LRP1B: variants seen among roughly 807,000 people sequenced by gnomAD.
LRP1B encodes the protein low-density lipoprotein receptor-related protein 1B.
A neutral mutation model predicts 556.6 loss-of-function variants in LRP1B; 217 were observed. The ratio of observed to expected loss-of-function variants is 0.39; its 90% CI spans 0.35 to 0.44. The LOEUF (loss-of-function observed/expected upper bound fraction) is 0.44. LRP1B is among the 20% of genes least tolerant of loss of function. LRP1B has a pLI of 1.00. For missense variants in LRP1B, 5,053 were observed against 5,620.8 expected (o/e 0.90, Z 3.23); for synonymous variants, 2,047 against 1,865.8 (o/e 1.10, Z -2.50).
At position 140,601,432 on chromosome 2, in the gene LRP1B, A is replaced by T. The variant is rs2105197895; in HGVS notation, c.6989+18T>A. On this transcript the variant is annotated intron_variant, in intron 42 of 90. Transcript: ENST00000389484. Reference sequence around the variant, plus strand: ...ACTTATAACTATAATGAAGAAATAAAACTACACTGTTTCTTACTTTTGACA... The same window carrying T: ...ACTTATAACTATAATGAAGAAATAATACTACACTGTTTCTTACTTTTGACA... 6.4e-7 allele frequency: 1 copy of T among 1,557,508 alleles called. No homozygotes were observed. Among genetic ancestry groups the T allele is most frequent in the South Asian group, 1.2e-5 (1 of 81,938 alleles).
At chr2:140,817,214 A>G (rs1201608954) in intron 31 of LRP1B, among the ~76,000 whole-genome samples, 1 of 152,126 alleles carries the variant, frequency 6.6e-6, no homozygotes, top group East Asian at 1.9e-4. Flanking sequence ...GAATGTATCA[A>G]TTGTAATACA....
chr2:141,450,457 A>G (rs895090986), intron 3 of LRP1B, among the ~76,000 whole-genome samples: 7 of 152,172 alleles, frequency 4.6e-5, no homozygotes, highest in African/African-American at 7.2e-5. Context: ...TGATGTGTAT[A>G]AAGTACTTAG....
intron 6 of LRP1B, among the ~76,000 whole-genome samples, chr2:141,219,699 C>T (rs986219113): frequency 6.6e-6 from 1 of 152,082 alleles, no homozygotes. Flanking sequence ...TAGCTTGGTG[C>T]CCCTCTGAGA....
chr2:140,769,833 T>A (rs1689246463), intron 34 of LRP1B, among the ~76,000 whole-genome samples: 1 of 29,566 alleles, frequency 3.4e-5, no homozygotes, highest in East Asian at 0.028. Flanking sequence ...CATTTAGATT[T>A]CTTAAGAAAT....
intron 1 of LRP1B, among the ~76,000 whole-genome samples, chr2:141,925,962 A>C (rs1700324986): frequency 6.6e-6 from 1 of 152,168 alleles, no homozygotes; most frequent in Admixed American, 6.5e-5. Context: ...GATTTATGAA[A>C]AAAACACAGG....
intron 3 of LRP1B, among the ~76,000 whole-genome samples, chr2:141,351,726 A>AT (rs1559023513): frequency 6.6e-6 from 1 of 152,030 alleles, no homozygotes; most frequent in Non-Finnish European, 1.5e-5. Context: ...AATAACATGA[A>AT]ATTACATGCT....
At chr2:141,824,438 C>T (rs1696856605) in intron 1 of LRP1B, among the ~76,000 whole-genome samples, 1 of 152,168 alleles carries the variant, frequency 6.6e-6, no homozygotes, top group Admixed American at 6.5e-5. Context: ...CGGCTCACTG[C>T]AAGCTCCGCC....
intron 1 of LRP1B, among the ~76,000 whole-genome samples, chr2:141,815,849 GGTCCGTAGCTTCATGCTTGAA>G (rs1156972714): frequency 6.6e-6 from 1 of 150,886 alleles, no homozygotes; most frequent in African/African-American, 2.4e-5. Context: ...TCACTATTAA[GGTCCGTAGCTTCATGCTTGAA>G]GTCAGCGAGA....
intron 2 of LRP1B, among the ~76,000 whole-genome samples, chr2:141,517,623 T>A (rs1331712717): frequency 6.6e-6 from 1 of 152,022 alleles, no homozygotes; most frequent in Non-Finnish European, 1.5e-5. Context: ...ATGCAAAAAA[T>A]AAAAAAATAA....
intron 3 of LRP1B, among the ~76,000 whole-genome samples, chr2:141,316,746 G>A (rs1286073309): frequency 6.6e-6 from 1 of 152,210 alleles, no homozygotes; most frequent in Non-Finnish European, 1.5e-5. Flanking sequence ...CTCGCATTAA[G>A]TTGACCATCT....
At chr2:141,515,750 C>A (rs1009487852) in intron 2 of LRP1B, among the ~76,000 whole-genome samples, 99 of 152,162 alleles carry the variant, frequency 6.5e-4, no homozygotes, top group African/African-American at 2.4e-3. Context: ...ATATGATACA[C>A]AACTAGTTTG....
intron 3 of LRP1B, among the ~76,000 whole-genome samples, chr2:141,276,968 T>C (rs1408889414): frequency 6.6e-6 from 1 of 152,202 alleles, no homozygotes; most frequent in Non-Finnish European, 1.5e-5. Flanking sequence ...CATCTCATTC[T>C]ATTTTTATGG....
chr2:140,445,699 T>G (rs1269420694), intron 63 of LRP1B, among the ~76,000 whole-genome samples: 1 of 152,104 alleles, frequency 6.6e-6, no homozygotes, highest in Non-Finnish European at 1.5e-5. Flanking sequence ...AGTTACTAAT[T>G]TAATCTCACC....
At chr2:141,636,511 G>A (rs1402310750) in intron 2 of LRP1B, among the ~76,000 whole-genome samples, 1 of 152,076 alleles carries the variant, frequency 6.6e-6, no homozygotes, top group African/African-American at 2.4e-5. Flanking sequence ...AGTCTACTTG[G>A]AAGATAATGT....
intron 1 of LRP1B, among the ~76,000 whole-genome samples, chr2:142,118,301 CATCTCTAA>C (rs1707343563): frequency 6.6e-6 from 1 of 152,106 alleles, no homozygotes; most frequent in Non-Finnish European, 1.5e-5. Context: ...CTTTGGCATT[CATCTCTAA>C]ATCTTGGTAA....
chr2:140,945,029 C>A (rs192958398), intron 20 of LRP1B, among the ~76,000 whole-genome samples: 59 of 152,094 alleles, frequency 3.9e-4, no homozygotes, highest in Non-Finnish European at 6.3e-4. Flanking sequence ...AGGCAACTAG[C>A]CCAGATAAGT....
intron 41 of LRP1B, among the ~76,000 whole-genome samples, chr2:140,678,529 G>T (rs1431259332): frequency 6.6e-6 from 1 of 152,092 alleles, no homozygotes; most frequent in Non-Finnish European, 1.5e-5. Flanking sequence ...TCCCCTTTAA[G>T]TAAGCAAATG....
intron 35 of LRP1B, among the ~76,000 whole-genome samples, chr2:140,753,548 T>A (rs1256104162): frequency 6.6e-6 from 1 of 152,146 alleles, no homozygotes; most frequent in East Asian, 1.9e-4. Flanking sequence ...CCTACATAAC[T>A]GGTGAGAATT....
intron 21 of LRP1B, among the ~76,000 whole-genome samples, chr2:140,911,379 T>C (rs1694413873): frequency 6.6e-6 from 1 of 151,746 alleles, no homozygotes; most frequent in African/African-American, 2.4e-5. Flanking sequence ...ATACTTTTCA[T>C]TGAATACTCT....
Sources: gnomAD v4.1 joint callset for allele counts (sites outside exome capture counted in the v4.1 genomes callset) on GRCh38, gnomAD v4.1.1 for gene constraint, MANE v1.5 for transcripts, NCBI Gene and HGNC (gene_info 2026-07-23, HGNC 2026-07-21) for gene names.